Variants in ITGB5 observed in about 807,000 individuals in gnomAD.
ITGB5 encodes integrin subunit beta 5.
A neutral mutation model predicts 84.8 loss-of-function variants in ITGB5; 38 were observed. That is an observed-to-expected ratio of 0.45 (90% CI 0.35 to 0.59). ITGB5 has a LOEUF of 0.59. Ranked by LOEUF, ITGB5 falls within the 20% of genes least tolerant of loss-of-function variation. The pLI is 0.01. For missense variants in ITGB5, 905 were observed against 1,034.5 expected, an observed-to-expected ratio of 0.87 and a Z score of 1.72; for synonymous variants, 393 against 414.4, an observed-to-expected ratio of 0.95 and a Z score of 0.63.
intron 1 of ITGB5, among the ~76,000 whole-genome samples, chr3:124,873,991 C>T (rs1265647): frequency 0.84 from 127,945 of 151,646 alleles, 54,333 homozygotes; most frequent in African/African-American, 0.95. Flanking sequence ...AGAAGCCATG[C>T]ATCCCAGGAA....
At chr3:124,799,995 C>T (rs1315058698) in intron 9 of ITGB5, among the ~76,000 whole-genome samples, 8 of 152,142 alleles carry the variant, frequency 5.3e-5, no homozygotes, top group South Asian at 2.1e-4. Context: ...CGAAGCCACC[C>T]GTGGGGCCAT....
At chr3:124,854,297 T>G (rs1462782505) in intron 3 of ITGB5, among the ~76,000 whole-genome samples, 1 of 152,202 alleles carries the variant, frequency 6.6e-6, no homozygotes, top group Non-Finnish European at 1.5e-5. Context: ...TTAGTCATAA[T>G]TGCCCCAAAG....
chr3:124,780,005 C>A lies in ITGB5; in HGVS notation c.1694-6093G>T, dbSNP rs143021593. 7.2e-3 allele frequency among the ~76,000 whole-genome samples: 1,102 copies of A among 152,320 alleles called. 2 individuals carry two copies. The highest frequency in any genetic ancestry group is 0.017 in the Middle Eastern group (5 of 294). ...GCTGCTCGGCCAGTCTGAGCCTTGG[C>A]GGGGAGGCTCACACCACAGAGGCCC... On this transcript the variant is annotated intron_variant, in intron 10 of 14. Coordinates refer to ENST00000296181, the MANE Select transcript of ITGB5 (RefSeq NM_002213.5).
rs773195893 is a variant in ITGB5, at chr3:124,841,494, G to T, written c.669C>A (p.Leu223=). The change falls in exon 5 of 15, where the codon CTC becomes CTA. Residue 223 remains leucine (L), a synonymous_variant. Transcript: ENST00000296181. ...PSFGFRHLLP[L]TDRVDSFNEE... The stretch of plus-strand genomic sequence containing the variant: ...CATTGAAGCTGTCCACTCTGTCTGT[G>T]AGAGGCAGCAGATGGCGGAACCCAA... 2 of 1,614,238 alleles carry T rather than the reference G, an allele frequency of 1.2e-6. No individual in the cohort carries two copies. Among genetic ancestry groups the T allele is most frequent in the Admixed American group, 3.3e-5 (2 of 60,032 alleles).
Position 124,769,055 on chromosome 3 carries a change from T to C in ITGB5, c.1975A>G (p.Ser659Gly), listed in dbSNP as rs547174020. 280 of 1,614,016 alleles carry C rather than the reference T, an allele frequency of 1.7e-4. No individual in the cohort carries two copies. Among genetic ancestry groups the C allele is most frequent in the Non-Finnish European group, 2.2e-4 (255 of 1,180,018 alleles). ...GTGATCACCTCATCCCTGCATAGGC[T>C]GTGGCAGGTCTGGTTGTCAGGTTTC... ...SGKPDNQTCH[S>G]LCRDEVITWV... The change falls in exon 12 of 15, where the codon AGC becomes GGC. Residue 659 changes from serine to glycine, a missense_variant. Around this residue, in one of 3 missense-constraint regions of ITGB5, gnomAD observed 116 missense variants for 177.0 expected, o/e 0.66. Transcript: ENST00000296181.
rs78373743 is a variant in ITGB5 at position 124,896,040 on chromosome 3, G to A, written c.-255+5226C>T. On this transcript the variant is annotated intron_variant, in intron 1 of 4. Transcript: ENST00000608657. ...TCTACTTTACATAACCTGATATGCC[G>A]ACTAAAAATTCTTCTACAAAAAAGC... 7.9e-4 allele frequency among the ~76,000 whole-genome samples: 120 copies of A among 152,234 alleles called. 4 individuals carry two copies. In the East Asian group the frequency reaches 0.02, roughly 25 times the overall value.
At chr3:124,807,568 A>G (rs916522902) in intron 9 of ITGB5, among the ~76,000 whole-genome samples, 2 of 152,160 alleles carry the variant, frequency 1.3e-5, no homozygotes, top group Admixed American at 1.3e-4. Context: ...AGAGGCTTTC[A>G]TTTTCTCAAC....
Position 124,763,142 on chromosome 3 carries a change from A to G in ITGB5, c.*481T>C, listed in dbSNP as rs1803826. 6.4e-6 allele frequency: 1 copy of G among 155,048 alleles called. No homozygotes were observed. Among genetic ancestry groups the G allele is most frequent in the South Asian group, 2.0e-4 (1 of 4,988 alleles). The allele number at this position is 155,048 out of a possible 1,614,324, so 9.6% of individuals were successfully genotyped here. A position where few individuals can be genotyped will look rare whatever the true frequency, so the allele number is the denominator to read the frequency against. On this transcript the variant is annotated 3_prime_UTR_variant, in exon 15 of 15. Transcript: ENST00000296181. Reference sequence around the variant, plus strand: ...TGTGCAAGGCATAGCCATCACGCAGAAAAGTCTCAGGACTCAGAACTACAC... The same window carrying G: ...TGTGCAAGGCATAGCCATCACGCAGGAAAGTCTCAGGACTCAGAACTACAC...
chr3:124,836,307 G>A (rs1029017766), intron 5 of ITGB5, among the ~76,000 whole-genome samples: 4 of 151,838 alleles, frequency 2.6e-5, no homozygotes, highest in African/African-American at 4.8e-5. Context: ...CTTGAGCCCA[G>A]AAGTTCAAGA....
chr3:124,874,082 A>G (rs1934189625), intron 1 of ITGB5, among the ~76,000 whole-genome samples: 1 of 151,324 alleles, frequency 6.6e-6, no homozygotes, highest in Admixed American at 6.6e-5. Flanking sequence ...AAAAAAACCC[A>G]AGGCTAGGCA....
Position 124,821,300 on chromosome 3 carries a change from T to C in ITGB5, c.942+13A>G, listed in dbSNP as rs2107559858. 1 of 1,607,278 alleles carries C rather than the reference T, an allele frequency of 6.2e-7. No individual in the cohort carries two copies. The highest frequency in any genetic ancestry group is 8.5e-7 in the Non-Finnish European group (1 of 1,176,598). On this transcript the variant is annotated intron_variant, in intron 6 of 14. Transcript: ENST00000296181. The stretch of plus-strand genomic sequence containing the variant: ...AGGCAACAGGGAGGGGGGATCTGGT[T>C]CCCGGCACTCACCATCTGGTTGGAT...
chr3:124,843,068 C>T (rs2065031920), intron 4 of ITGB5, among the ~76,000 whole-genome samples: 1 of 152,184 alleles, frequency 6.6e-6, no homozygotes. Flanking sequence ...TCTCCTTTCC[C>T]GAAGTCTTCA....
In ITGB5 at chr3:124,866,264, T is replaced by C. The variant is rs192696950; in HGVS notation, c.157-6818A>G. ...TCCCAAAGTGCTGGGATTACAGGCA[T>C]GAGCCACCATGCCCAGCTCCCTACA... On this transcript the variant is annotated intron_variant, in intron 2 of 14. Coordinates refer to ENST00000296181, the MANE Select transcript of ITGB5 (RefSeq NM_002213.5). 1.2e-3 allele frequency among the ~76,000 whole-genome samples: 190 copies of C among 152,344 alleles called. 1 individual carries two copies. The highest frequency in any genetic ancestry group is 4.4e-3 in the African/African-American group (181 of 41,580).
At chr3:124,846,434 A>C (rs2065079227) in intron 4 of ITGB5, among the ~76,000 whole-genome samples, 1 of 152,050 alleles carries the variant, frequency 6.6e-6, no homozygotes, top group African/African-American at 2.4e-5. Context: ...GCAAAAAAAA[A>C]AAAAACCAAC....
chr3:124,842,012 C>A (rs569766192), intron 4 of ITGB5, among the ~76,000 whole-genome samples: 1 of 152,160 alleles, frequency 6.6e-6, no homozygotes, highest in Admixed American at 6.6e-5. Context: ...GTTGCTGCCA[C>A]GCAACAAAGG....
At chr3:124,849,582 T>G (rs1177249988) in intron 3 of ITGB5, among the ~76,000 whole-genome samples, 1 of 152,126 alleles carries the variant, frequency 6.6e-6, no homozygotes, top group Non-Finnish European at 1.5e-5. Context: ...ATTCCAAATT[T>G]TAGCTCTATC....
rs543129723 is a variant in ITGB5, at chr3:124,784,116, G to A, written c.1694-10204C>T. On this transcript the variant is annotated intron_variant, in intron 10 of 14. Coordinates refer to ENST00000296181, the MANE Select transcript of ITGB5 (RefSeq NM_002213.5). Reference sequence around the variant, plus strand: ...CTCCAAACCTCAGCATTAACTTTCTGAGATGATGGTACTGGCTAGAAATCT... The same window carrying A: ...CTCCAAACCTCAGCATTAACTTTCTAAGATGATGGTACTGGCTAGAAATCT... Among the ~76,000 whole-genome samples the A allele has an allele frequency of 3.3e-5, 5 of 152,328 alleles. No individual in the cohort carries two copies. The South Asian group carries it at 1.0e-3, about 32-fold the overall frequency.
chr3:124,837,522 G>A (rs2064951638), intron 5 of ITGB5, among the ~76,000 whole-genome samples: 1 of 152,182 alleles, frequency 6.6e-6, no homozygotes, highest in African/African-American at 2.4e-5. Context: ...GCCTCTCACA[G>A]CAATGTGACC....
In ITGB5 at chr3:124,899,275, A is replaced by G. The variant is rs1935173110; in HGVS notation, c.-255+1991T>C. 2.0e-5 allele frequency among the ~76,000 whole-genome samples: 3 copies of G among 152,148 alleles called. 1 individual carries two copies. The highest frequency in any genetic ancestry group is 1.3e-4 in the Admixed American group (2 of 15,274). On this transcript the variant is annotated intron_variant, in intron 1 of 4. Transcript: ENST00000608657. The stretch of plus-strand genomic sequence containing the variant: ...AATAGGGACTTAATTTTTACATTCA[A>G]TAAATTTTGTTGAGGGCTTTTTACA...
Sources: gnomAD v4.1 joint callset for allele counts (sites outside exome capture counted in the v4.1 genomes callset) on GRCh38, gnomAD v4.1.1 for gene constraint, gnomAD v4.1.1 regional missense constraint, MANE v1.5 for transcripts, NCBI Gene and HGNC (gene_info 2026-07-23, HGNC 2026-07-21) for gene names.